PREX1: variants seen among roughly 807,000 people sequenced by gnomAD.
PREX1 encodes phosphatidylinositol 3,4,5-trisphosphate-dependent Rac exchanger 1 protein.
A neutral mutation model predicts 198.3 loss-of-function variants in PREX1; 41 were observed. The observed-to-expected ratio is 0.21, with a 90% CI of 0.16 to 0.27. The LOEUF is 0.27. PREX1 is among the 10% of genes least tolerant of loss of function. The probability of loss-of-function intolerance (pLI) is 1.00; values close to 1 mark genes in which losing one functional copy is unlikely to be tolerated. For synonymous variants in PREX1, 843 were observed against 887.2 expected (o/e 0.95, Z 0.89); for missense variants, 1,620 against 2,200.7 (o/e 0.74, Z 5.28).
At position 48,778,328 on chromosome 20, in the gene PREX1, C is replaced by G. The variant is rs567535058; in HGVS notation, c.220-30448G>C. Among the ~76,000 whole-genome samples the G allele has an allele frequency of 2.6e-5, 4 of 151,602 alleles. No homozygotes were observed. In the East Asian group the frequency reaches 5.8e-4, roughly 22 times the overall value. ...GTGGCTCATGCCTGTAATCCCAGCA[C>G]TTTGGGAGGCCAAGGCGGGCAGATC... On this transcript the variant is annotated intron_variant, in intron 1 of 39. Coordinates refer to ENST00000371941, the MANE Select transcript of PREX1 (RefSeq NM_020820.4).
intron 33 of PREX1, among the ~76,000 whole-genome samples, chr20:48,633,158 A>G (rs979638608): frequency 2.0e-5 from 3 of 152,142 alleles, no homozygotes; most frequent in Admixed American, 1.3e-4. Flanking sequence ...CATCGATCAA[A>G]GCTCTGCCCG....
intron 4 of PREX1, 85 bp from the exon 5 acceptor site, chr20:48,726,476 G>C (rs1343990446): frequency 4.2e-6 from 4 of 947,486 alleles, no homozygotes; most frequent in Non-Finnish European, 6.7e-6. Flanking sequence ...AACGCTCTCA[G>C]AGCACAGCTA....
At chr20:48,734,499 G>A (rs2090048326) in intron 4 of PREX1, 47 bp downstream of exon 4, 2 of 1,520,946 alleles carry the variant, frequency 1.3e-6, no homozygotes, top group Non-Finnish European at 1.8e-6. Flanking sequence ...ATTCCACAAG[G>A]ATGAGGCCGA....
Position 48,632,303 on chromosome 20 carries a change from T to C in PREX1, c.4500A>G (p.Lys1500=). The C allele has an allele frequency of 6.2e-7, 1 of 1,614,106 alleles. No individual in the cohort carries two copies. The highest frequency in any genetic ancestry group is 8.5e-7 in the Non-Finnish European group (1 of 1,180,014). Residue 1500 remains lysine (K), a synonymous_variant, in exon 35 of 40, where the codon AAA becomes AAG. Coordinates refer to ENST00000371941, the MANE Select transcript of PREX1 (RefSeq NM_020820.4). ...QQDINAQSLE[K]VQQYYRKLRA... Reference sequence around the variant, plus strand: ...TGAGTTTGCGGTAATACTGCTGAACTTTCTCCAGGGACTGCGCGTTGATGT... The same window carrying C: ...TGAGTTTGCGGTAATACTGCTGAACCTTCTCCAGGGACTGCGCGTTGATGT...
At position 48,639,500 on chromosome 20, in the gene PREX1, C is replaced by CTTTGT. The variant is rs376041001; in HGVS notation, c.3904+261_3904+265dup. Among the ~76,000 whole-genome samples the CTTTGT allele has an allele frequency of 8.3e-3, 1,266 of 152,212 alleles. 19 individuals are homozygous for CTTTGT. The highest frequency in any genetic ancestry group is 0.029 in the African/African-American group (1,190 of 41,504). On this transcript the variant is annotated intron_variant, in intron 30 of 39. Coordinates refer to ENST00000371941, the MANE Select transcript of PREX1 (RefSeq NM_020820.4). ...GCCTTTTCAACCTCCAAAGTCAGGG[C>CTTTGT]TTTGTTTTGTTTTGTTTTGTTTCTG...
intron 1 of PREX1, among the ~76,000 whole-genome samples, chr20:48,822,817 T>C (rs1044525906): frequency 6.6e-6 from 1 of 152,154 alleles, no homozygotes; most frequent in African/African-American, 2.4e-5. Flanking sequence ...AGAACTGTGT[T>C]ACATATACCT....
chr20:48,880,714 C>A, the PREX1 span, among the ~76,000 whole-genome samples: 3 of 151,994 alleles, frequency 2.0e-5, no homozygotes, highest in Non-Finnish European at 4.4e-5. Context: ...CTTAGTTGTG[C>A]CTGATGCCAC....
chr20:48,687,693 G>A (rs976604187), intron 10 of PREX1, among the ~76,000 whole-genome samples: 2 of 152,214 alleles, frequency 1.3e-5, no homozygotes, highest in Non-Finnish European at 2.9e-5. Context: ...CCTTGGCACT[G>A]TCCTCTCCGG....
chr20:48,813,049 G>A (rs2090443524), intron 1 of PREX1, among the ~76,000 whole-genome samples: 1 of 152,196 alleles, frequency 6.6e-6, no homozygotes, highest in African/African-American at 2.4e-5. Context: ...GGCGTCCTAG[G>A]GAGCCGGCTC....
chr20:48,675,914 G>T (rs574332424), intron 14 of PREX1, among the ~76,000 whole-genome samples: 4 of 152,044 alleles, frequency 2.6e-5, no homozygotes, highest in Admixed American at 6.5e-5. Flanking sequence ...GCGTGCGCCT[G>T]TAATACCAGC....
chr20:48,848,251 T>C, the PREX1 span, among the ~76,000 whole-genome samples: 14 of 151,382 alleles, frequency 9.2e-5, no homozygotes, highest in Non-Finnish European at 2.9e-5. Context: ...ATTTTTTCTT[T>C]TTTTTTTTTT....
the PREX1 span, among the ~76,000 whole-genome samples, chr20:48,848,248 C>CTTTTTTTT: frequency 7.1e-6 from 1 of 140,522 alleles, no homozygotes; most frequent in Non-Finnish European, 1.6e-5. Context: ...TACATTTTTT[C>CTTTTTTTT]TTTTTTTTTT....
At chr20:48,847,960 T>C in the PREX1 span, among the ~76,000 whole-genome samples, 1 of 152,252 alleles carries the variant, frequency 6.6e-6, no homozygotes, top group Non-Finnish European at 1.5e-5. Flanking sequence ...CATTGTTGAG[T>C]AGTGTCCCAT....
At chr20:48,651,307 C>T in intron 22 of PREX1, 89 bp downstream of exon 22, 2 of 1,485,078 alleles carry the variant, frequency 1.3e-6, no homozygotes, top group Non-Finnish European at 1.8e-6. Context: ...ATTCGGGTGT[C>T]CCACCCAACT....
chr20:48,826,610 CT>C (rs2090509946), intron 1 of PREX1, among the ~76,000 whole-genome samples: 1 of 152,188 alleles, frequency 6.6e-6, no homozygotes, highest in Non-Finnish European at 1.5e-5. Flanking sequence ...AATCCCTGCA[CT>C]TTGGAGGCCG....
Position 48,679,767 on chromosome 20 carries a change from G to A in PREX1, c.1436-13C>T, listed in dbSNP as rs767554428. Reference sequence around the variant, plus strand: ...TGCTTGTCGGAAACTGGAGAGACAGGAGGACCTGTGACGCTGGGCACGCCC... The same window carrying A: ...TGCTTGTCGGAAACTGGAGAGACAGAAGGACCTGTGACGCTGGGCACGCCC... On this transcript the variant is annotated splice_polypyrimidine_tract_variant and intron_variant, in intron 11 of 39. Transcript: ENST00000371941. 4 of 1,595,158 alleles carry A rather than the reference G, an allele frequency of 2.5e-6. No homozygotes were observed. The South Asian group carries it at 3.3e-5, about 13-fold the overall frequency.
Position 48,624,471 on chromosome 20 carries a change from A to G in PREX1, c.*1414T>C, listed in dbSNP as rs976221836. 6.6e-6 allele frequency: 1 copy of G among 152,584 alleles called. No individual in the cohort carries two copies. The highest frequency in any genetic ancestry group is 1.5e-5 in the Non-Finnish European group (1 of 68,048). 9.5% of individuals were successfully genotyped at this position (152,584 alleles called of 1,614,324 possible). On this transcript the variant is annotated 3_prime_UTR_variant, in exon 40 of 40. Coordinates refer to ENST00000371941, the MANE Select transcript of PREX1 (RefSeq NM_020820.4). The stretch of plus-strand genomic sequence containing the variant: ...CGTGTATGCTGCGGCAAGAGAGGGA[A>G]GCGCACCCTGGAGGGCGGGAGGCTC...
At chr20:48,798,700 G>A (rs759756425) in intron 1 of PREX1, among the ~76,000 whole-genome samples, 1 of 152,192 alleles carries the variant, frequency 6.6e-6, no homozygotes, top group Non-Finnish European at 1.5e-5. Context: ...AGCTCCCACG[G>A]TGATACTGCC....
chr20:48,793,985 A>G (rs928855128), intron 1 of PREX1, among the ~76,000 whole-genome samples: 2 of 152,120 alleles, frequency 1.3e-5, no homozygotes, highest in Non-Finnish European at 2.9e-5. Context: ...CAGGAGAAGA[A>G]CCCCTTACTC....
Sources: allele counts gnomAD v4.1 joint callset (sites outside exome capture counted in the v4.1 genomes callset), GRCh38; gene constraint gnomAD v4.1.1; transcripts MANE v1.5; gene names NCBI Gene and HGNC (gene_info 2026-07-23, HGNC 2026-07-21).